Variants in GAS2L3 observed in about 807,000 individuals in gnomAD.
GAS2L3 encodes the protein growth arrest specific 2 like 3.
A neutral mutation model predicts 37.0 loss-of-function variants in GAS2L3; 28 were observed. The observed-to-expected ratio is 0.76, with a 90% CI of 0.56 to 1.04. The LOEUF is 1.04. Among genes scored for constraint, GAS2L3 ranks in the 50% least tolerant of loss-of-function variants. The pLI, the probability that GAS2L3 is intolerant of heterozygous loss-of-function variation, is 0.00. For missense variants in GAS2L3, 793 were observed against 817.6 expected (o/e 0.97, Z 0.37); for synonymous variants, 290 against 296.6 (o/e 0.98, Z 0.23).
Position 100,625,481 on chromosome 12 carries a change from A to G in GAS2L3, c.*591A>G, listed in dbSNP as rs1310339456. 6.6e-6 allele frequency: 1 copy of G among 152,078 alleles called. No homozygotes were observed. Among genetic ancestry groups the G allele is most frequent in the East Asian group, 1.9e-4 (1 of 5,190 alleles). 9.4% of individuals were successfully genotyped at this position (152,078 alleles called of 1,614,324 possible). A position where few individuals can be genotyped will look rare whatever the true frequency, so the allele number is the denominator to read the frequency against. Reference sequence around the variant, plus strand: ...ATTATTTATTTTTTTAAGCTTTCCAAATTGGAAGGAACTGATTGTTTCATG... The same window carrying G: ...ATTATTTATTTTTTTAAGCTTTCCAGATTGGAAGGAACTGATTGTTTCATG... On this transcript the variant is annotated 3_prime_UTR_variant, in exon 10 of 10. Transcript: ENST00000547754.
At position 100,622,201 on chromosome 12, in the gene GAS2L3, T is replaced by C. The variant is rs944311750; in HGVS notation, c.649-74T>C. ...ATCTTTGAGTTTGGTTTTCCTTAGC[T>C]ATCAAATAATATTACACTTTAAACA... On this transcript the variant is annotated intron_variant, in intron 8 of 9. Coordinates refer to ENST00000547754, the MANE Select transcript of GAS2L3 (RefSeq NM_174942.3). 4 of 740,758 alleles carry C rather than the reference T, an allele frequency of 5.4e-6. No homozygotes were observed. The African/African-American group carries it at 7.1e-5, about 13-fold the overall frequency. 45.9% of individuals were successfully genotyped at this position (740,758 alleles called of 1,614,324 possible).
intron 6 of GAS2L3, among the ~76,000 whole-genome samples, chr12:100,617,212 G>A (rs758681739): frequency 1.3e-5 from 2 of 152,076 alleles, no homozygotes; most frequent in Non-Finnish European, 2.9e-5. Flanking sequence ...TGGTTTGCCA[G>A]TATTTCATTG....
chr12:100,590,207 G>T (rs1955828842), intron 1 of GAS2L3, among the ~76,000 whole-genome samples: 1 of 151,998 alleles, frequency 6.6e-6, no homozygotes, highest in East Asian at 1.9e-4. Context: ...AACAAACTCA[G>T]ACAAATCAGT....
intron 1 of GAS2L3, among the ~76,000 whole-genome samples, chr12:100,584,895 T>G (rs1265739951): frequency 5.0e-5 from 7 of 140,708 alleles, no homozygotes; most frequent in Admixed American, 3.6e-4. Context: ...TTTTTTTTTT[T>G]TTTTTTTTTT....
At position 100,626,373 on chromosome 12, in the gene GAS2L3, G is replaced by A. The variant is rs1373588413; in HGVS notation, c.*1483G>A. Reference sequence around the variant, plus strand: ...AGAGTACAGATAAAATCAAAGATGTGTGCAAGCTAGTTTTTGGAAGAAGTG... The same window carrying A: ...AGAGTACAGATAAAATCAAAGATGTATGCAAGCTAGTTTTTGGAAGAAGTG... On this transcript the variant is annotated 3_prime_UTR_variant, in exon 10 of 10. Coordinates refer to ENST00000547754, the MANE Select transcript of GAS2L3 (RefSeq NM_174942.3). 2.0e-5 allele frequency: 3 copies of A among 152,202 alleles called. No homozygotes were observed. Among genetic ancestry groups the A allele is most frequent in the African/African-American group, 7.2e-5 (3 of 41,466 alleles). The allele number at this position is 152,202 out of a possible 1,614,324, so 9.4% of individuals were successfully genotyped here. A position where few individuals can be genotyped will look rare whatever the true frequency, so the allele number is the denominator to read the frequency against.
intron 8 of GAS2L3, among the ~76,000 whole-genome samples, chr12:100,618,860 A>G (rs1210632183): frequency 6.6e-6 from 1 of 152,174 alleles, no homozygotes; most frequent in Non-Finnish European, 1.5e-5. Context: ...TATAGGCCAC[A>G]AGAATTCATT....
chr12:100,585,812 T>A (rs1304284912), intron 1 of GAS2L3, among the ~76,000 whole-genome samples: 1 of 152,204 alleles, frequency 6.6e-6, no homozygotes, highest in Non-Finnish European at 1.5e-5. Context: ...CAGTCACCAT[T>A]GTTTGTCACT....
chr12:100,624,785 A>G lies in GAS2L3; in HGVS notation c.1980A>G (p.Ser660=). ...KTPASIRKPP[S]SVKDADSGDK... ...CAGCTTCAATCAGGAAACCACCCTCATCTGTTAAGGATGCAGATAGTGGAG... is the reference window on the plus strand; with the variant it reads ...CAGCTTCAATCAGGAAACCACCCTCGTCTGTTAAGGATGCAGATAGTGGAG... Residue 660 remains serine, a synonymous_variant, in exon 10 of 10, where the codon TCA becomes TCG. Transcript: ENST00000547754. The G allele has an allele frequency of 6.2e-7, 1 of 1,613,964 alleles. No individual in the cohort carries two copies.
intron 3 of GAS2L3, among the ~76,000 whole-genome samples, chr12:100,599,523 G>A (rs1436515639): frequency 2.0e-5 from 3 of 152,130 alleles, no homozygotes; most frequent in African/African-American, 7.2e-5. Flanking sequence ...TTACAAAATA[G>A]GTGAGACAAG....
chr12:100,611,650 C>T (rs1047103477), intron 5 of GAS2L3, among the ~76,000 whole-genome samples: 1 of 152,042 alleles, frequency 6.6e-6, no homozygotes, highest in African/African-American at 2.4e-5. Flanking sequence ...CAACCTAGAT[C>T]TCTTGCATGC....
At chr12:100,613,730 G>A (rs1956154425) in intron 6 of GAS2L3, among the ~76,000 whole-genome samples, 1 of 151,994 alleles carries the variant, frequency 6.6e-6, no homozygotes, top group Admixed American at 6.6e-5. Context: ...GAGTAGCTGG[G>A]ACTACAGGCA....
At position 100,625,772 on chromosome 12, in the gene GAS2L3, T is replaced by G. The variant is rs1956326257; in HGVS notation, c.*882T>G. ...TTTTACATTAAAATAATGTGAAACA[T>G]CAGAATTATGTTTTAACAACTTTAA... On this transcript the variant is annotated 3_prime_UTR_variant, in exon 10 of 10. Coordinates refer to ENST00000547754, the MANE Select transcript of GAS2L3 (RefSeq NM_174942.3). The G allele has an allele frequency of 6.6e-6, 1 of 152,208 alleles. No individual in the cohort carries two copies. Among genetic ancestry groups the G allele is most frequent in the African/African-American group, 2.4e-5 (1 of 41,468 alleles). 9.4% of individuals were successfully genotyped at this position (152,208 alleles called of 1,614,324 possible).
In GAS2L3 at chr12:100,622,309, G is replaced by A; in HGVS notation, c.683G>A (p.Cys228Tyr). The A allele has an allele frequency of 6.2e-7, 1 of 1,605,084 alleles. No homozygotes were observed. Among genetic ancestry groups the A allele is most frequent in the Non-Finnish European group, 8.5e-7 (1 of 1,172,694 alleles). ...KHIAEDPPCS[C>Y]SHRFSIEYLS... ...ATTGCTGAGGACCCTCCTTGTAGTT[G>A]TTCTCATCGATTTTCTATTGAGTAT... The change falls in exon 9 of 10, where the codon TGT becomes TAT. Residue 228 changes from cysteine (C) to tyrosine (Y), a missense_variant. Cys to Tyr is a radical substitution (Grantham distance 194, BLOSUM62 -2). Transcript: ENST00000547754.
chr12:100,605,770 T>C (rs1956048447), intron 5 of GAS2L3, among the ~76,000 whole-genome samples: 2 of 151,990 alleles, frequency 1.3e-5, no homozygotes, highest in South Asian at 4.1e-4. Flanking sequence ...TTCAGAAGCA[T>C]ATTATTTAAT....
intron 1 of GAS2L3, among the ~76,000 whole-genome samples, chr12:100,575,800 C>CA (rs1307959052): frequency 6.6e-6 from 1 of 151,964 alleles, no homozygotes; most frequent in African/African-American, 2.4e-5. Flanking sequence ...TTATAGGGGA[C>CA]AAAACTGAAG....
chr12:100,594,994 A>G (rs528735706), intron 3 of GAS2L3, 72 bp downstream of exon 3: 9 of 676,586 alleles, frequency 1.3e-5, no homozygotes, highest in African/African-American at 1.1e-4. Context: ...ATTAGCAAAG[A>G]TAAAATTATC....
chr12:100,606,683 G>C (rs1593178333), intron 5 of GAS2L3, among the ~76,000 whole-genome samples: 1 of 152,038 alleles, frequency 6.6e-6, no homozygotes, highest in South Asian at 2.1e-4. Context: ...AGGTTACCAT[G>C]AGGCTTGCAA....
rs528649540 is a variant in GAS2L3 at position 100,627,045 on chromosome 12, C to T, written c.*2155C>T. ...CAGAGGTTGCAGTGAGCCAAGATTG[C>T]GCCACTGCACTCCAGCCTGGGCAAC... On this transcript the variant is annotated 3_prime_UTR_variant, in exon 10 of 10. Transcript: ENST00000547754. Among the ~76,000 whole-genome samples the T allele has an allele frequency of 3.4e-5, 5 of 148,192 alleles. No individual in the cohort carries two copies. The highest frequency in any genetic ancestry group is 1.4e-4 in the Admixed American group (2 of 14,788).
chr12:100,622,818 G>A (rs11110442), intron 9 of GAS2L3, among the ~76,000 whole-genome samples: 23,671 of 102,300 alleles, frequency 0.23, 2,756 homozygotes, highest in East Asian at 0.55. Flanking sequence ...AATAATACAA[G>A]CCTTGGGCAT....
Sources: allele counts gnomAD v4.1 joint callset (sites outside exome capture counted in the v4.1 genomes callset), GRCh38; gene constraint gnomAD v4.1.1; transcripts MANE v1.5; gene names NCBI Gene and HGNC (gene_info 2026-07-23, HGNC 2026-07-21).